Variants in PAX7 observed in about 807,000 individuals in gnomAD.
PAX7 encodes paired box protein Pax-7.
A neutral mutation model predicts 50.7 loss-of-function variants in PAX7; 18 were observed. The observed-to-expected ratio is 0.36, with a 90% confidence interval of 0.25 to 0.53. The LOEUF is 0.53. PAX7 is among the 20% of genes least tolerant of loss of function. PAX7 has a pLI of 0.93. For missense variants in PAX7, 644 were observed against 702.9 expected, an observed-to-expected ratio of 0.92 and a Z score of 0.95; for synonymous variants, 310 against 290.4, an observed-to-expected ratio of 1.07 and a Z score of -0.69.
chr1:18,651,344 T>C (rs911526448), intron 4 of PAX7, among the ~76,000 whole-genome samples: 4 of 152,244 alleles, frequency 2.6e-5, no homozygotes, highest in Admixed American at 1.3e-4. Flanking sequence ...TATATTTTTA[T>C]AGGTTTTTGA....
intron 3 of PAX7, among the ~76,000 whole-genome samples, chr1:18,635,744 A>G (rs1316391869): frequency 1.3e-5 from 2 of 152,146 alleles, no homozygotes; most frequent in Non-Finnish European, 2.9e-5. Context: ...AACACCAGCC[A>G]TTTGAGTCCT....
Position 18,748,462 on chromosome 1 carries a change from G to T in PAX7, c.*3533G>T, listed in dbSNP as rs909064172. Reference sequence around the variant, plus strand: ...GGCACCAAAACCAAGACCAAATGGGGGTTCTCTAGCCGCCAACTTGAAACG... The same window carrying T: ...GGCACCAAAACCAAGACCAAATGGGTGTTCTCTAGCCGCCAACTTGAAACG... On this transcript the variant is annotated 3_prime_UTR_variant, in exon 9 of 9. Transcript: ENST00000420770. The T allele has an allele frequency of 8.6e-6, 2 of 232,090 alleles. No individual in the cohort carries two copies. Among genetic ancestry groups the T allele is most frequent in the Non-Finnish European group, 1.7e-5 (2 of 117,404 alleles). 14.4% of individuals were successfully genotyped at this position (232,090 alleles called of 1,614,324 possible). A position where few individuals can be genotyped will look rare whatever the true frequency, so the allele number is the denominator to read the frequency against.
At chr1:18,694,699 G>A (rs952737792) in intron 5 of PAX7, among the ~76,000 whole-genome samples, 1 of 152,154 alleles carries the variant, frequency 6.6e-6, no homozygotes, top group African/African-American at 2.4e-5. Flanking sequence ...GGTCAGCTGT[G>A]TCACCTTCAA....
rs1255958471 is a variant in PAX7, at chr1:18,636,066, T to C, written c.452-171T>C. On this transcript the variant is annotated intron_variant, in intron 3 of 8. Coordinates refer to ENST00000420770, the MANE Select transcript of PAX7 (RefSeq NM_001135254.2). The surrounding 1 kb of genome is among the most constrained non-coding windows in gnomAD (Gnocchi z 5.1). ...TGTGAGTCAGGCTTCTCCAAGTGGA[T>C]GCTGGTTATGGAGTACGTGTCAATG... is the stretch of plus-strand genomic sequence containing the variant. Among the ~76,000 whole-genome samples, 1 of 152,106 alleles carries C rather than the reference T, an allele frequency of 6.6e-6. No homozygotes were observed. The highest frequency in any genetic ancestry group is 2.4e-5 in the African/African-American group (1 of 41,418).
intron 4 of PAX7, among the ~76,000 whole-genome samples, chr1:18,688,712 G>A (rs796932489): frequency 3.3e-5 from 5 of 152,202 alleles, no homozygotes; most frequent in South Asian, 4.1e-4. Context: ...ACCAGAGTTC[G>A]AGACTAGCCT....
intron 4 of PAX7, among the ~76,000 whole-genome samples, chr1:18,686,436 C>G (rs1278963685): frequency 6.6e-6 from 1 of 152,188 alleles, no homozygotes; most frequent in Non-Finnish European, 1.5e-5. Flanking sequence ...GGCCATGAGG[C>G]TGCTCCCCTA....
In PAX7 at chr1:18,735,842, C is replaced by G; in HGVS notation, c.1366C>G (p.Pro456Ala). ...TYSTTGYSVD[P>A]VAGYQYGQYG... ...CAGCACCACCGGCTACAGCGTGGAC[C>G]CCGTGGCCGGCTATCAGTACGGCCA... The change falls in exon 8 of 9, where the codon CCC becomes GCC. Residue 456 changes from proline to alanine, a missense_variant. Pro to Ala is a conservative substitution (Grantham distance 27). Coordinates refer to ENST00000420770, the MANE Select transcript of PAX7 (RefSeq NM_001135254.2). The surrounding 1 kb of genome is among the most constrained non-coding windows in gnomAD (Gnocchi z 4.0). 1.2e-6 allele frequency: 2 copies of G among 1,614,156 alleles called. No homozygotes were observed. The highest frequency in any genetic ancestry group is 1.7e-6 in the Non-Finnish European group (2 of 1,180,038).
At chr1:18,645,410 G>A (rs2088323364) in intron 4 of PAX7, among the ~76,000 whole-genome samples, 1 of 152,226 alleles carries the variant, frequency 6.6e-6, no homozygotes, top group East Asian at 1.9e-4. Context: ...CGGCGGGCGC[G>A]ATAAGTAGCT....
intron 4 of PAX7, among the ~76,000 whole-genome samples, chr1:18,639,818 GACAGTGCACCAGTTTAAGCCAAA>G (rs1207483755): frequency 6.6e-6 from 1 of 152,190 alleles, no homozygotes; most frequent in Non-Finnish European, 1.5e-5. Context: ...GCATGCATCT[GACAGTGCACCAGTTTAAGCCAAA>G]ACTGACCGGA....
At chr1:18,690,261 G>C (rs2089047769) in intron 4 of PAX7, among the ~76,000 whole-genome samples, 4 of 152,206 alleles carry the variant, frequency 2.6e-5, no homozygotes, top group Non-Finnish European at 4.4e-5. Flanking sequence ...AGGAGAGGAA[G>C]GGGGAGAAAG....
intron 7 of PAX7, among the ~76,000 whole-genome samples, chr1:18,722,290 C>T (rs115534042): frequency 1.3e-5 from 2 of 152,138 alleles, no homozygotes; most frequent in African/African-American, 4.8e-5. Context: ...TGCCCAACCC[C>T]TTCCCCATAT....
At chr1:18,744,613 G>A (rs528454890) in intron 8 of PAX7, among the ~76,000 whole-genome samples, 1 of 149,938 alleles carries the variant, frequency 6.7e-6, no homozygotes, top group South Asian at 2.1e-4. Flanking sequence ...TGGATAGAAG[G>A]ATGGAAGGAT....
chr1:18,706,034 C>T (rs528389822), intron 7 of PAX7, among the ~76,000 whole-genome samples: 2 of 152,224 alleles, frequency 1.3e-5, no homozygotes, highest in East Asian at 1.9e-4. Flanking sequence ...GGTTAACCTG[C>T]GAGCACTTCC....
chr1:18,689,944 G>A (rs886389967), intron 4 of PAX7, among the ~76,000 whole-genome samples: 1 of 152,232 alleles, frequency 6.6e-6, no homozygotes, highest in Non-Finnish European at 1.5e-5. Flanking sequence ...CACTTGAAGC[G>A]ATTGGGAGGA....
intron 4 of PAX7, among the ~76,000 whole-genome samples, chr1:18,662,888 T>C (rs2088620283): frequency 6.7e-6 from 1 of 150,312 alleles, no homozygotes; most frequent in Admixed American, 6.6e-5. Context: ...GTTCTTTATA[T>C]TGAAGGAATC....
intron 4 of PAX7, among the ~76,000 whole-genome samples, chr1:18,684,493 G>A (rs1046634902): frequency 2.6e-5 from 4 of 152,166 alleles, no homozygotes; most frequent in African/African-American, 4.8e-5. Context: ...TCTGACTCCC[G>A]CAGCCACGCC....
chr1:18,694,499 AATAAATAAATAT>A (rs1290852572), intron 5 of PAX7, among the ~76,000 whole-genome samples: 42 of 147,126 alleles, frequency 2.9e-4, no homozygotes, highest in Admixed American at 1.9e-3. Context: ...TAAATAAATA[AATAAATAAATAT>A]AAAATAAAAT....
rs117131614 is a variant in PAX7, at chr1:18,672,177, C to T, written c.587-19577C>T. On this transcript the variant is annotated intron_variant, in intron 4 of 8. Coordinates refer to ENST00000420770, the MANE Select transcript of PAX7 (RefSeq NM_001135254.2). ...CAACCCTAACAGCTTCCTCATCCCA[C>T]GCACCCTTGATAATACCCTTTACTT... 2.2e-4 allele frequency among the ~76,000 whole-genome samples: 34 copies of T among 152,156 alleles called. No individual in the cohort carries two copies. In the East Asian group the frequency reaches 3.3e-3, roughly 15 times the overall value.
At chr1:18,643,770 C>A (rs1410663125) in intron 4 of PAX7, among the ~76,000 whole-genome samples, 2 of 152,236 alleles carry the variant, frequency 1.3e-5, no homozygotes, top group Non-Finnish European at 2.9e-5. Flanking sequence ...TATTACAGCA[C>A]GTCCCGGCGG....
Sources: gnomAD v4.1 joint callset for allele counts (sites outside exome capture counted in the v4.1 genomes callset) on GRCh38, gnomAD v4.1.1 for gene constraint, Gnocchi (gnomAD v3.1) non-coding constraint, MANE v1.5 for transcripts, NCBI Gene and HGNC (gene_info 2026-07-23, HGNC 2026-07-21) for gene names.